Variants in CPNE4 observed in about 807,000 individuals in gnomAD.
CPNE4 encodes copine-4.
In CPNE4, 25 loss-of-function variants were observed where a neutral mutation model predicts 67.9. The observed-to-expected ratio is 0.37, with a 90% CI of 0.27 to 0.51. CPNE4 has a LOEUF of 0.51. Ranked by LOEUF, CPNE4 falls within the 20% of genes least tolerant of loss-of-function variation. The pLI, the probability that CPNE4 is intolerant of heterozygous loss-of-function variation, is 0.93. For synonymous variants in CPNE4, 242 were observed against 244.9 expected (o/e 0.99, Z 0.11); for missense variants, 464 against 690.8 (o/e 0.67, Z 3.68).
intron 2 of CPNE4, among the ~76,000 whole-genome samples, chr3:131,763,037 C>T (rs1192268279): frequency 6.6e-6 from 1 of 151,794 alleles, no homozygotes; most frequent in African/African-American, 2.4e-5. Context: ...AACAAAAAAA[C>T]AATCTTTTCT....
intron 1 of CPNE4, among the ~76,000 whole-genome samples, chr3:132,031,927 T>C (rs1388684242): frequency 2.0e-5 from 3 of 152,218 alleles, no homozygotes; most frequent in African/African-American, 7.2e-5. Flanking sequence ...TGTTTTGGAA[T>C]ATTACATAAA....
intron 2 of CPNE4, among the ~76,000 whole-genome samples, chr3:131,795,451 C>A (rs957102573): frequency 2.0e-5 from 3 of 152,160 alleles, no homozygotes; most frequent in African/African-American, 7.2e-5. Flanking sequence ...TATCCCCTCC[C>A]TTGATAATCA....
intron 2 of CPNE4, among the ~76,000 whole-genome samples, chr3:131,792,726 T>TAACATAC (rs1261982127): frequency 7.8e-6 from 1 of 128,950 alleles, no homozygotes; most frequent in Admixed American, 8.2e-5. Flanking sequence ...TATGTATATA[T>TAACATAC]ATACACGTGT....
chr3:131,971,326 A>G (rs6790514), intron 1 of CPNE4, among the ~76,000 whole-genome samples: 58,651 of 151,650 alleles, frequency 0.39, 12,816 homozygotes, highest in African/African-American at 0.61. Flanking sequence ...GAATTTCACC[A>G]GTCAAAGAAG....
At chr3:131,568,338 G>A (rs2107671548) in intron 10 of CPNE4, among the ~76,000 whole-genome samples, 1 of 152,152 alleles carries the variant, frequency 6.6e-6, no homozygotes, top group Non-Finnish European at 1.5e-5. Context: ...AGAGCAGAGT[G>A]AAAGGTTAGG....
At chr3:131,580,901 C>G (rs1173535982) in intron 9 of CPNE4, among the ~76,000 whole-genome samples, 1 of 152,044 alleles carries the variant, frequency 6.6e-6, no homozygotes, top group Non-Finnish European at 1.5e-5. Flanking sequence ...AGGCTGGGCA[C>G]GGTGGGTCAT....
chr3:131,629,904 TTC>T (rs144642297), intron 7 of CPNE4, among the ~76,000 whole-genome samples: 1 of 150,662 alleles, frequency 6.6e-6, no homozygotes, highest in Non-Finnish European at 1.5e-5. Flanking sequence ...CTCTCTCTCG[TTC>T]TCTCTCTCTC....
chr3:131,976,277 C>T (rs1174805911), intron 1 of CPNE4, among the ~76,000 whole-genome samples: 1 of 151,248 alleles, frequency 6.6e-6, no homozygotes, highest in African/African-American at 2.4e-5. Flanking sequence ...TTTTTTAATA[C>T]TTAGACCATG....
intron 5 of CPNE4, among the ~76,000 whole-genome samples, chr3:131,692,985 T>A (rs2081065355): frequency 1.3e-5 from 2 of 152,224 alleles, no homozygotes; most frequent in South Asian, 4.1e-4. Flanking sequence ...ACAAATGTGC[T>A]TTACAAGTTA....
At chr3:131,542,285 C>T (rs190806580) in intron 15 of CPNE4, among the ~76,000 whole-genome samples, 4 of 152,188 alleles carry the variant, frequency 2.6e-5, no homozygotes, top group Admixed American at 2.6e-4. Flanking sequence ...GAAATTTTGC[C>T]TACAATAGTT....
At chr3:131,871,856 C>T (rs1454904745) in intron 2 of CPNE4, among the ~76,000 whole-genome samples, 1 of 152,176 alleles carries the variant, frequency 6.6e-6, no homozygotes, top group Non-Finnish European at 1.5e-5. Context: ...CCAGCTCCTC[C>T]TGGGCATTCA....
intron 2 of CPNE4, among the ~76,000 whole-genome samples, chr3:131,901,064 A>G (rs2107765259): frequency 6.6e-6 from 1 of 152,268 alleles, no homozygotes; most frequent in East Asian, 1.9e-4. Flanking sequence ...TCCTCCAATC[A>G]TAGGGTCACT....
At chr3:131,793,486 A>G (rs2083835821) in intron 2 of CPNE4, among the ~76,000 whole-genome samples, 1 of 152,178 alleles carries the variant, frequency 6.6e-6, no homozygotes, top group Non-Finnish European at 1.5e-5. Context: ...AGCAACAACA[A>G]CCAAAAATCC....
intron 15 of CPNE4, chr3:131,538,808 T>C: frequency 6.6e-6 from 1 of 152,410 alleles, no homozygotes; most frequent in Non-Finnish European, 1.5e-5. Context: ...CCTTGTGCTT[T>C]CCTTCTCCTT....
intron 2 of CPNE4, among the ~76,000 whole-genome samples, chr3:131,748,926 C>G (rs2082556673): frequency 6.6e-6 from 1 of 151,922 alleles, no homozygotes; most frequent in Admixed American, 6.6e-5. Flanking sequence ...GCCTCACTGA[C>G]TTTCTCTGTT....
At chr3:131,664,961 T>C (rs1157440485) in intron 7 of CPNE4, among the ~76,000 whole-genome samples, 8 of 152,190 alleles carry the variant, frequency 5.3e-5, no homozygotes, top group Non-Finnish European at 1.0e-4. Context: ...AAAAATATGA[T>C]CTGAATATTT....
Position 131,696,052 on chromosome 3 carries a change from T to C in CPNE4, c.507+490A>G, listed in dbSNP as rs575931797. On this transcript the variant is annotated intron_variant, in intron 5 of 15. Transcript: ENST00000429747. ...CAACAAAGGTTTGGAAAATGAATGA[T>C]GAATGAATGAACAAATTAACAAATA... is the stretch of plus-strand genomic sequence containing the variant. 7.2e-5 allele frequency among the ~76,000 whole-genome samples: 11 copies of C among 152,274 alleles called. No homozygotes were observed. In the South Asian group the frequency reaches 1.9e-3, roughly 26 times the overall value.
At chr3:131,897,207 C>A (rs2088372540) in intron 2 of CPNE4, among the ~76,000 whole-genome samples, 4 of 151,982 alleles carry the variant, frequency 2.6e-5, no homozygotes, top group Admixed American at 2.6e-4. Flanking sequence ...ATGAAGACAA[C>A]ATGGGTATTG....
Position 131,593,394 on chromosome 3 carries a change from C to T in CPNE4, c.682-5812G>A, listed in dbSNP as rs149510898. 5.3e-5 allele frequency among the ~76,000 whole-genome samples: 8 copies of T among 152,098 alleles called. No individual in the cohort carries two copies. The East Asian group carries it at 1.2e-3, about 22-fold the overall frequency. On this transcript the variant is annotated intron_variant, in intron 7 of 15. Coordinates refer to ENST00000429747, the MANE Select transcript of CPNE4 (RefSeq NM_130808.3). Reference sequence around the variant, plus strand: ...TTTCAACTCTTTGGTTAAGTCTATCCCTAAGTATTTTACTGTTCTTGATGC... The same window carrying T: ...TTTCAACTCTTTGGTTAAGTCTATCTCTAAGTATTTTACTGTTCTTGATGC...
Sources: allele counts gnomAD v4.1 joint callset (sites outside exome capture counted in the v4.1 genomes callset), GRCh38; gene constraint gnomAD v4.1.1; transcripts MANE v1.5; gene names NCBI Gene and HGNC (gene_info 2026-07-23, HGNC 2026-07-21).